Variants in PARN observed in about 807,000 individuals in gnomAD.
The protein encoded by PARN is poly(A)-specific ribonuclease PARN.
Under a neutral mutation model 102.8 loss-of-function variants are expected in PARN, and 71 were observed. The ratio of observed to expected loss-of-function variants is 0.69; its 90% CI spans 0.57 to 0.84. The LOEUF is 0.84. Ranked by LOEUF, PARN falls within the 40% of genes least tolerant of loss-of-function variation. The probability of loss-of-function intolerance (pLI) is 0.00; values close to 1 mark genes in which losing one functional copy is unlikely to be tolerated. For synonymous variants in PARN, 261 were observed against 252.9 expected (o/e 1.03, Z -0.30); for missense variants, 782 against 760.9 (o/e 1.03, Z -0.33).
intron 5 of PARN, 44 bp downstream of exon 5, chr16:14,627,062 T>G (rs1164394661): frequency 9.3e-7 from 1 of 1,076,050 alleles, no homozygotes; most frequent in Admixed American, 1.9e-5. Context: ...CCATGCTGCC[T>G]CATCAGCAAT....
chr16:14,518,291 CAAAAAA>C (rs34169116), intron 21 of PARN, among the ~76,000 whole-genome samples: 2 of 52,268 alleles, frequency 3.8e-5, no homozygotes, highest in African/African-American at 8.8e-5. Context: ...GACCCTGTCT[CAAAAAA>C]AAAAAAAAAA....
At chr16:14,537,688 G>C (rs919848102) in intron 21 of PARN, among the ~76,000 whole-genome samples, 5 of 152,124 alleles carry the variant, frequency 3.3e-5, no homozygotes, top group African/African-American at 1.2e-4. Flanking sequence ...GGCATAGAAA[G>C]GCAAATGCAT....
chr16:14,607,869 A>T (rs1237080395), intron 9 of PARN, among the ~76,000 whole-genome samples: 1 of 152,194 alleles, frequency 6.6e-6, no homozygotes, highest in Non-Finnish European at 1.5e-5. Flanking sequence ...AAAAATACAC[A>T]CACAAAAGTC....
At chr16:14,517,434 G>A (rs572477015) in intron 21 of PARN, among the ~76,000 whole-genome samples, 4 of 152,286 alleles carry the variant, frequency 2.6e-5, no homozygotes, top group South Asian at 2.1e-4. Flanking sequence ...TGTGACTGAC[G>A]TCATCCAATC....
chr16:14,442,521 T>A (rs1207743667), intron 23 of PARN, among the ~76,000 whole-genome samples: 1 of 151,992 alleles, frequency 6.6e-6, no homozygotes, highest in Admixed American at 6.5e-5. Context: ...ACAAGAAAAA[T>A]ATTTGCTGAG....
At chr16:14,484,372 C>T (rs1963546587) in intron 21 of PARN, among the ~76,000 whole-genome samples, 1 of 152,166 alleles carries the variant, frequency 6.6e-6, no homozygotes, top group Non-Finnish European at 1.5e-5. Context: ...CATATGCGTT[C>T]CTAGCCCACT....
intron 19 of PARN, 115 bp from the exon 20 acceptor site, chr16:14,554,266 TG>T (rs1329399260): frequency 1.5e-6 from 1 of 674,592 alleles, no homozygotes; most frequent in African/African-American, 1.8e-5. Flanking sequence ...GAATTCCTCA[TG>T]ATTACCAAAC....
At chr16:14,580,964 G>A in intron 17 of PARN, 21 bp from the exon 18 acceptor site, 2 of 1,516,460 alleles carry the variant, frequency 1.3e-6, no homozygotes, top group East Asian at 2.3e-5. Flanking sequence ...AAAGAAGAGA[G>A]GTATTATTAT....
rs1596848027 is a variant in PARN at position 14,609,066 on chromosome 16, T to C, written c.612A>G (p.Pro204=). The part of the protein sequence containing the change: ...SEENKNLDLE[P]CTGFQRKLIY... ...TGTTCAGGACAACTAACCCGGTACA[T>C]GGCTCTAAATCCAAGTTCTTGTTTT... is the stretch of plus-strand genomic sequence containing the variant. Residue 204 remains proline (P), a synonymous_variant, in exon 8 of 24, where the codon CCA becomes CCG. Transcript: ENST00000437198. 2 of 1,573,154 alleles carry C rather than the reference T, an allele frequency of 1.3e-6. No individual in the cohort carries two copies. Among genetic ancestry groups the C allele is most frequent in the Non-Finnish European group, 1.7e-6 (2 of 1,148,304 alleles).
intron 22 of PARN, among the ~76,000 whole-genome samples, chr16:14,474,945 T>C (rs971202413): frequency 6.6e-6 from 1 of 152,262 alleles, no homozygotes; most frequent in Non-Finnish European, 1.5e-5. Context: ...ATGTAATACA[T>C]ATATTCAGTT....
intron 21 of PARN, among the ~76,000 whole-genome samples, chr16:14,519,013 G>A (rs1010590964): frequency 4.6e-5 from 7 of 151,876 alleles, no homozygotes; most frequent in South Asian, 2.1e-4. Context: ...AATCGGTGGC[G>A]AATGCACTGG....
At chr16:14,537,903 A>G (rs1966680303) in intron 21 of PARN, among the ~76,000 whole-genome samples, 1 of 152,186 alleles carries the variant, frequency 6.6e-6, no homozygotes, top group South Asian at 2.1e-4. Context: ...GTTAAATAAT[A>G]ATTTATTATA....
At chr16:14,519,544 T>C (rs998862859) in intron 21 of PARN, among the ~76,000 whole-genome samples, 14 of 152,092 alleles carry the variant, frequency 9.2e-5, no homozygotes, top group Admixed American at 2.6e-4. Flanking sequence ...AAGATGAGCC[T>C]GGAACATCTT....
At chr16:14,474,271 C>T (rs1774423201) in intron 22 of PARN, among the ~76,000 whole-genome samples, 2 of 152,200 alleles carry the variant, frequency 1.3e-5, no homozygotes, top group African/African-American at 4.8e-5. Context: ...TCCCAAAGTG[C>T]TGGGGTTACA....
intron 5 of PARN, among the ~76,000 whole-genome samples, chr16:14,622,834 T>C (rs1193676310): frequency 1.3e-5 from 2 of 152,152 alleles, no homozygotes; most frequent in Non-Finnish European, 2.9e-5. Context: ...CCTGGCGCAG[T>C]GGTACGTGCT....
At chr16:14,492,627 T>C (rs886267740) in intron 21 of PARN, among the ~76,000 whole-genome samples, 1 of 152,244 alleles carries the variant, frequency 6.6e-6, no homozygotes, top group Admixed American at 6.5e-5. Flanking sequence ...CAATTAAATA[T>C]GGACAGGCAT....
chr16:14,557,228 C>T (rs929462475), intron 18 of PARN, among the ~76,000 whole-genome samples: 2 of 151,980 alleles, frequency 1.3e-5, no homozygotes, highest in Admixed American at 6.6e-5. Flanking sequence ...TTTGGCTTCA[C>T]GGACCCACAG....
intron 12 of PARN, among the ~76,000 whole-genome samples, chr16:14,596,243 G>T (rs145207440): frequency 7.8e-4 from 118 of 152,182 alleles, no homozygotes; most frequent in African/African-American, 2.6e-3. Context: ...AGAAAGCAAA[G>T]AAGTGCTCAG....
At chr16:14,515,809 G>A (rs1000408562) in intron 21 of PARN, among the ~76,000 whole-genome samples, 3 of 151,748 alleles carry the variant, frequency 2.0e-5, no homozygotes, top group South Asian at 2.1e-4. Context: ...GCATACTGGC[G>A]CACATCTGTA....
Sources: gnomAD v4.1 joint callset for allele counts (sites outside exome capture counted in the v4.1 genomes callset) on GRCh38, gnomAD v4.1.1 for gene constraint, MANE v1.5 for transcripts, NCBI Gene and HGNC (gene_info 2026-07-23, HGNC 2026-07-21) for gene names.